The following PARD3B variants were observed in gnomAD, a reference collection of about 807,000 sequenced individuals.
The protein encoded by PARD3B is par-3 family cell polarity regulator beta.
Under a neutral mutation model 130.2 loss-of-function variants are expected in PARD3B, and 103 were observed. The observed-to-expected ratio is 0.79, with a 90% CI of 0.67 to 0.93. The LOEUF is 0.93. Ranked by LOEUF, PARD3B falls within the 40% of genes least tolerant of loss-of-function variation. The probability of loss-of-function intolerance (pLI) is 0.00; values close to 1 mark genes in which losing one functional copy is unlikely to be tolerated. For missense variants in PARD3B, 1,609 were observed against 1,499.2 expected, an observed-to-expected ratio of 1.07 and a Z score of -1.21; for synonymous variants, 583 against 553.2, an observed-to-expected ratio of 1.05 and a Z score of -0.76.
intron 2 of PARD3B, among the ~76,000 whole-genome samples, chr2:204,925,811 A>G (rs1190117813): frequency 3.3e-5 from 5 of 152,082 alleles, no homozygotes; most frequent in Non-Finnish European, 5.9e-5. Context: ...GGAGGAACCC[A>G]GTGGATGGTC....
Position 205,397,454 on chromosome 2 carries a change from G to A in PARD3B, c.2631-3559G>A, listed in dbSNP as rs2046073655. ...TTTTTCTTACCAAACATATTCCACT[G>A]TGAGGGAAGGATAATGAGCTATTGC... On this transcript the variant is annotated intron_variant, in intron 18 of 22. Transcript: ENST00000406610. The surrounding 1 kb of genome is among the most constrained non-coding windows in gnomAD (Gnocchi z 4.8). Among the ~76,000 whole-genome samples, 1 of 152,106 alleles carries A rather than the reference G, an allele frequency of 6.6e-6. No individual in the cohort carries two copies. The highest frequency in any genetic ancestry group is 2.4e-5 in the African/African-American group (1 of 41,422).
intron 6 of PARD3B, 44 bp downstream of exon 6, chr2:205,113,621 C>T (rs780074007): frequency 1.7e-6 from 2 of 1,177,026 alleles, no homozygotes; most frequent in East Asian, 2.6e-5. Flanking sequence ...TAATGAAAAC[C>T]CTGATTTGAG....
At chr2:204,655,053 C>A (rs185917057) in intron 1 of PARD3B, among the ~76,000 whole-genome samples, 23 of 152,306 alleles carry the variant, frequency 1.5e-4, no homozygotes, top group South Asian at 4.1e-4. Context: ...GTCTTGGTTG[C>A]ACACACTGGG....
At chr2:205,587,827 T>C (rs932309644) in intron 22 of PARD3B, among the ~76,000 whole-genome samples, 3 of 152,202 alleles carry the variant, frequency 2.0e-5, no homozygotes, top group Non-Finnish European at 2.9e-5. Flanking sequence ...CCCCCTTCTC[T>C]TTTCCCAGCT....
chr2:205,193,472 A>G (rs1030538848), intron 15 of PARD3B, 152 bp downstream of exon 15: 6 of 610,968 alleles, frequency 9.8e-6, no homozygotes, highest in South Asian at 8.5e-5. Flanking sequence ...CCACCTTCCT[A>G]TCTCTTCGCA....
chr2:205,363,821 C>T (rs115870344), intron 18 of PARD3B, among the ~76,000 whole-genome samples: 1,990 of 149,094 alleles, frequency 0.013, 44 homozygotes, highest in African/African-American at 0.046. Flanking sequence ...TGCGCCACAA[C>T]GCCTGACTGA....
intron 10 of PARD3B, among the ~76,000 whole-genome samples, chr2:205,157,176 G>T (rs771575561): frequency 3.3e-5 from 5 of 152,148 alleles, no homozygotes; most frequent in Non-Finnish European, 7.3e-5. Flanking sequence ...TCCCAGAGAG[G>T]CCTGGAAACA....
chr2:204,771,647 C>T (rs1249966710), intron 2 of PARD3B, among the ~76,000 whole-genome samples: 1 of 152,036 alleles, frequency 6.6e-6, no homozygotes, highest in Non-Finnish European at 1.5e-5. Context: ...CAAACCTGCA[C>T]ATATACCCCC....
At chr2:205,202,562 A>G (rs1013672310) in intron 15 of PARD3B, among the ~76,000 whole-genome samples, 2 of 152,224 alleles carry the variant, frequency 1.3e-5, no homozygotes, top group African/African-American at 2.4e-5. Context: ...CATCCCTGTC[A>G]TACCCCTCCC....
chr2:204,806,991 A>T (rs781476082), intron 2 of PARD3B, among the ~76,000 whole-genome samples: 3 of 152,164 alleles, frequency 2.0e-5, no homozygotes, highest in Non-Finnish European at 4.4e-5. Flanking sequence ...TCACAGTTCT[A>T]TATGTCTGGG....
At chr2:204,754,088 A>T (rs2040572144) in intron 2 of PARD3B, among the ~76,000 whole-genome samples, 1 of 152,060 alleles carries the variant, frequency 6.6e-6, no homozygotes, top group South Asian at 2.1e-4. Flanking sequence ...AGCATTGAGG[A>T]TAGCCTCTGA....
intron 13 of PARD3B, among the ~76,000 whole-genome samples, chr2:205,184,741 C>T (rs1001993475): frequency 6.6e-6 from 1 of 151,332 alleles, no homozygotes; most frequent in Admixed American, 6.6e-5. Flanking sequence ...GACTCCATCT[C>T]AAAAATAATA....
intron 2 of PARD3B, among the ~76,000 whole-genome samples, chr2:204,909,094 G>T (rs1159613660): frequency 6.6e-6 from 1 of 152,048 alleles, no homozygotes; most frequent in Non-Finnish European, 1.5e-5. Flanking sequence ...TCTGCAGGAG[G>T]GTTCAGAGGT....
chr2:205,574,638 T>C (rs1559231655), intron 22 of PARD3B, among the ~76,000 whole-genome samples: 1 of 151,538 alleles, frequency 6.6e-6, no homozygotes, highest in African/African-American at 2.4e-5. Flanking sequence ...AGCACTCCAG[T>C]GGGGGGGCAA....
intron 2 of PARD3B, among the ~76,000 whole-genome samples, chr2:204,924,600 T>C (rs1159052167): frequency 6.6e-6 from 1 of 152,138 alleles, no homozygotes; most frequent in African/African-American, 2.4e-5. Flanking sequence ...TGAAAATCTT[T>C]GTGAAAAATT....
intron 3 of PARD3B, among the ~76,000 whole-genome samples, chr2:205,014,094 A>T (rs1026051604): frequency 6.6e-6 from 1 of 152,236 alleles, no homozygotes; most frequent in Non-Finnish European, 1.5e-5. Context: ...AAAAGTCTTC[A>T]TCTATTCATA....
chr2:205,233,994 A>C (rs1326292317), intron 15 of PARD3B, among the ~76,000 whole-genome samples: 2 of 152,178 alleles, frequency 1.3e-5, no homozygotes, highest in Non-Finnish European at 2.9e-5. Flanking sequence ...ACAAAAGAAC[A>C]CTCTAATAAT....
intron 18 of PARD3B, among the ~76,000 whole-genome samples, chr2:205,337,919 G>A (rs1444459409): frequency 6.6e-6 from 1 of 152,052 alleles, no homozygotes; most frequent in Non-Finnish European, 1.5e-5. Flanking sequence ...GGAGGCCAAG[G>A]CGGGTGGATC....
At position 205,401,118 on chromosome 2, in the gene PARD3B, T is replaced by G. The variant is rs760017827; in HGVS notation, c.2736T>G (p.Arg912=). The change falls in exon 19 of 23, where the codon CGT becomes CGG. Residue 912 remains arginine (R), a synonymous_variant. Coordinates refer to ENST00000406610, the MANE Select transcript of PARD3B (RefSeq NM_001302769.2). ...EEELEKMKEE[R]ERIGAKHQEL... is the part of the protein sequence containing the mutation. ...AGCTGGAGAAAATGAAAGAAGAGCGTGAAAGGTGAGCAGAAGTGCCGAGAC... is the reference window on the plus strand; with the variant it reads ...AGCTGGAGAAAATGAAAGAAGAGCGGGAAAGGTGAGCAGAAGTGCCGAGAC... 6.3e-7 allele frequency: 1 copy of G among 1,589,958 alleles called. No individual in the cohort carries two copies.
Sources: allele counts gnomAD v4.1 joint callset (sites outside exome capture counted in the v4.1 genomes callset), GRCh38; gene constraint gnomAD v4.1.1; non-coding constraint Gnocchi (gnomAD v3.1); transcripts MANE v1.5; gene names NCBI Gene and HGNC (gene_info 2026-07-23, HGNC 2026-07-21).